VAMP3: variants seen among roughly 807,000 people sequenced by gnomAD.
VAMP3 encodes the protein vesicle associated membrane protein 3.
In VAMP3, 11 loss-of-function variants were observed where a neutral mutation model predicts 18.1. That is an observed-to-expected ratio of 0.61 (90% CI 0.38 to 1.00). The LOEUF (loss-of-function observed/expected upper bound fraction) is 1.00. VAMP3 is among the 50% of genes least tolerant of loss of function. VAMP3 has a pLI of 0.01. For missense variants in VAMP3, 122 were observed against 127.3 expected (o/e 0.96, Z 0.20); for synonymous variants, 49 against 43.1 (o/e 1.14, Z -0.53).
chr1:7,773,661 AAGATCTAATC>A, intron 2 of VAMP3, 150 bp downstream of exon 2: 1 of 767,454 alleles, frequency 1.3e-6, no homozygotes, highest in Non-Finnish European at 2.1e-6. Flanking sequence ...GCTGTGCTGG[AAGATCTAATC>A]TAAGCAAAAG....
At chr1:7,771,434 G>A in intron 1 of VAMP3, 49 bp downstream of exon 1, 1 of 1,510,150 alleles carries the variant, frequency 6.6e-7, no homozygotes, top group Non-Finnish European at 8.8e-7. Context: ...GCAGGCGGCA[G>A]CTCGCGCTGG....
intron 1 of VAMP3, 142 bp from the exon 2 acceptor site, chr1:7,773,300 G>T: frequency 3.0e-6 from 2 of 660,520 alleles, no homozygotes; most frequent in Non-Finnish European, 2.6e-6. Context: ...TTCGTTCATT[G>T]CTTCAGGAAG....
intron 2 of VAMP3, chr1:7,776,490 G>A (rs1434925060): frequency 6.6e-6 from 1 of 152,108 alleles, no homozygotes; most frequent in Admixed American, 6.6e-5. Flanking sequence ...TTCCAATTTG[G>A]ATGCCTTTTC....
intron 4 of VAMP3, 101 bp downstream of exon 4, chr1:7,778,270 A>T: frequency 6.7e-7 from 1 of 1,494,436 alleles, no homozygotes; most frequent in African/African-American, 1.4e-5. Context: ...TCCCTCCGAA[A>T]TGTTAGTTTT....
Position 7,779,771 on chromosome 1 carries a change from A to G in VAMP3, c.*126A>G. 1 of 1,315,714 alleles carries G rather than the reference A, an allele frequency of 7.6e-7. No homozygotes were observed. The highest frequency in any genetic ancestry group is 1.1e-6 in the Non-Finnish European group (1 of 939,148). 81.5% of individuals were successfully genotyped at this position (1,315,714 alleles called of 1,614,324 possible). On this transcript the variant is annotated 3_prime_UTR_variant, in exon 5 of 5. Coordinates refer to ENST00000054666, the MANE Select transcript of VAMP3 (RefSeq NM_004781.4). Reference sequence around the variant, plus strand: ...TTTTTTTTGTGTTAATGTAAAGTTGAATTTCTAGGAAACGTGCCTTTGTTT... The same window carrying G: ...TTTTTTTTGTGTTAATGTAAAGTTGGATTTCTAGGAAACGTGCCTTTGTTT...
At chr1:7,773,628 A>G in intron 2 of VAMP3, 117 bp downstream of exon 2, 1 of 1,012,046 alleles carries the variant, frequency 9.9e-7, no homozygotes, top group Non-Finnish European at 1.5e-6. Flanking sequence ...CTGTATCATA[A>G]TTGTAACGAA....
In VAMP3 at chr1:7,771,319, C is replaced by G. The variant is rs1460435188; in HGVS notation, c.-65C>G. The stretch of plus-strand genomic sequence containing the variant: ...CCGTCCCACCCATCTCCCTGGCCTC[C>G]GGTCCCAACTTCGCTTCTCTGCTGA... On this transcript the variant is annotated 5_prime_UTR_variant, in exon 1 of 5. Transcript: ENST00000054666. 3.2e-6 allele frequency: 5 copies of G among 1,586,024 alleles called. No individual in the cohort carries two copies. The highest frequency in any genetic ancestry group is 1.7e-5 in the Admixed American group (1 of 58,266).
chr1:7,775,633 GC>G (rs1244425601), intron 2 of VAMP3, among the ~76,000 whole-genome samples: 1 of 152,224 alleles, frequency 6.6e-6, no homozygotes, highest in Non-Finnish European at 1.5e-5. Flanking sequence ...ATAGGCATGA[GC>G]CACCGCACCT....
chr1:7,777,959 T>C (rs2097055126), intron 3 of VAMP3, among the ~76,000 whole-genome samples, 159 bp from the exon 4 acceptor site: 1 of 152,250 alleles, frequency 6.6e-6, no homozygotes, highest in African/African-American at 2.4e-5. Flanking sequence ...CAGGCCCTAA[T>C]TGAGAACATT....
intron 1 of VAMP3, 112 bp downstream of exon 1, chr1:7,771,497 C>A (rs1178653289): frequency 7.6e-7 from 1 of 1,309,490 alleles, no homozygotes; most frequent in Non-Finnish European, 9.8e-7. Context: ...CAGGCCGGGG[C>A]TGCGCGGGGA....
At chr1:7,774,619 T>G (rs1211956492) in intron 2 of VAMP3, among the ~76,000 whole-genome samples, 1 of 152,232 alleles carries the variant, frequency 6.6e-6, no homozygotes, top group African/African-American at 2.4e-5. Flanking sequence ...TCTGTGGATT[T>G]GCCTGTTCTG....
chr1:7,771,957 C>T (rs1384546743), intron 1 of VAMP3, among the ~76,000 whole-genome samples: 3 of 152,222 alleles, frequency 2.0e-5, no homozygotes, highest in Non-Finnish European at 2.9e-5. Context: ...ATCACAAGGA[C>T]TCCCTCTTCC....
chr1:7,778,414 G>C (rs2097055426), intron 4 of VAMP3, among the ~76,000 whole-genome samples: 1 of 152,054 alleles, frequency 6.6e-6, no homozygotes, highest in Non-Finnish European at 1.5e-5. Flanking sequence ...ACACCTGTAA[G>C]TCCCAGCTAC....
Position 7,779,741 on chromosome 1 carries a change from T to TA in VAMP3, c.*100dup, listed in dbSNP as rs1053255513. On this transcript the variant is annotated 3_prime_UTR_variant, in exon 5 of 5. Coordinates refer to ENST00000054666, the MANE Select transcript of VAMP3 (RefSeq NM_004781.4). ...TATCAAGCTTACCTACTGTTATCTC[T>TA]AAAATTTTTTTTGTGTTAATGTAAA... The TA allele has an allele frequency of 6.5e-7, 1 of 1,544,324 alleles. No individual in the cohort carries two copies. Among genetic ancestry groups the TA allele is most frequent in the African/African-American group, 1.4e-5 (1 of 71,944 alleles).
intron 2 of VAMP3, chr1:7,776,710 A>G (rs1157559870): frequency 6.5e-6 from 1 of 152,782 alleles, no homozygotes; most frequent in East Asian, 1.9e-4. Flanking sequence ...TGATCATGAA[A>G]GAGTGAGCCC....
intron 4 of VAMP3, among the ~76,000 whole-genome samples, chr1:7,778,970 C>T (rs944486172): frequency 6.6e-6 from 1 of 151,994 alleles, no homozygotes; most frequent in Non-Finnish European, 1.5e-5. Context: ...CTGAGGCGGG[C>T]AGATCACGAG....
chr1:7,776,029 T>TTCCATCA (rs2097054152), intron 2 of VAMP3, among the ~76,000 whole-genome samples: 2 of 152,240 alleles, frequency 1.3e-5, no homozygotes, highest in Admixed American at 1.3e-4. Context: ...TCAGTCTATA[T>TTCCATCA]GTTTGTCCTT....
In VAMP3 at chr1:7,775,066, T is replaced by C. The variant is rs543984035; in HGVS notation, c.72+1555T>C. Among the ~76,000 whole-genome samples, 8 of 152,342 alleles carry C rather than the reference T, an allele frequency of 5.3e-5. 1 individual carries two copies. Among genetic ancestry groups the C allele is most frequent in the African/African-American group, 1.9e-4 (8 of 41,576 alleles). On this transcript the variant is annotated intron_variant, in intron 2 of 4. Transcript: ENST00000054666. Reference sequence around the variant, plus strand: ...TTCTCCACATCCTTGCCAACACTTGTTTTCCATTTTGATTATAACCATCCT... The same window carrying C: ...TTCTCCACATCCTTGCCAACACTTGCTTTCCATTTTGATTATAACCATCCT...
At chr1:7,777,009 C>T in intron 2 of VAMP3, 151 bp from the exon 3 acceptor site, 1 of 717,096 alleles carries the variant, frequency 1.4e-6, no homozygotes. Flanking sequence ...CAGGGTTTCC[C>T]CATGTTGGCC....
Sources: gnomAD v4.1 joint callset for allele counts (sites outside exome capture counted in the v4.1 genomes callset) on GRCh38, gnomAD v4.1.1 for gene constraint, MANE v1.5 for transcripts, NCBI Gene and HGNC (gene_info 2026-07-23, HGNC 2026-07-21) for gene names.